SPOCK3: variants seen among roughly 807,000 people sequenced by gnomAD.
SPOCK3 encodes testican-3.
SPOCK3 carries 30 observed loss-of-function variants against 56.6 expected under a neutral mutation model. The ratio of observed to expected loss-of-function variants is 0.53; its 90% confidence interval spans 0.40 to 0.72. SPOCK3 has a LOEUF of 0.72. Among genes scored for constraint, SPOCK3 ranks in the 30% least tolerant of loss-of-function variants. The pLI, the probability that SPOCK3 is intolerant of heterozygous loss-of-function variation, is 0.00. For missense variants in SPOCK3, 527 were observed against 530.0 expected, an observed-to-expected ratio of 0.99 and a Z score of 0.06; for synonymous variants, 196 against 183.3, an observed-to-expected ratio of 1.07 and a Z score of -0.56.
rs899471630 is a variant in SPOCK3, at chr4:167,189,752, A to G, written c.189+44233T>C. Among the ~76,000 whole-genome samples, 16 of 145,696 alleles carry G rather than the reference A, an allele frequency of 1.1e-4. 2 individuals carry two copies. The highest frequency in any genetic ancestry group is 7.5e-5 in the Non-Finnish European group (5 of 66,872). On this transcript the variant is annotated intron_variant, in intron 2 of 10. Transcript: ENST00000357545. ...CCAGAACTTTTTCATCTCATAATTG[A>G]AAGTTTGTATCCTTGACCAACATCT...
chr4:167,052,225 GA>G (rs1356024833), intron 3 of SPOCK3, among the ~76,000 whole-genome samples: 4 of 152,112 alleles, frequency 2.6e-5, no homozygotes, highest in Non-Finnish European at 5.9e-5. Flanking sequence ...GTAAGAATTG[GA>G]TAATGAAATA....
At chr4:167,171,668 C>A (rs916870564) in intron 2 of SPOCK3, among the ~76,000 whole-genome samples, 12 of 152,014 alleles carry the variant, frequency 7.9e-5, no homozygotes, top group African/African-American at 2.9e-4. Flanking sequence ...CCAAAACAAA[C>A]CCTAGGGAAG....
chr4:167,100,747 A>G (rs971547945), intron 2 of SPOCK3, among the ~76,000 whole-genome samples: 1 of 152,172 alleles, frequency 6.6e-6, no homozygotes, highest in Non-Finnish European at 1.5e-5. Flanking sequence ...ATAAGTAGAT[A>G]ATCTCAGTTA....
At chr4:167,234,590 C>G (rs535441457), upstream of SPOCK3, 363 of 219,038 alleles carry the variant, frequency 1.7e-3, no homozygotes, top group Non-Finnish European at 2.2e-3. Context: ...GCGCTCCCCC[C>G]ATCTCCACCC....
intron 2 of SPOCK3, among the ~76,000 whole-genome samples, chr4:167,159,024 C>T (rs1426932189): frequency 6.6e-6 from 1 of 151,882 alleles, no homozygotes; most frequent in African/African-American, 2.4e-5. Context: ...GCTCAATCCT[C>T]AAACATATAC....
chr4:167,177,097 G>A (rs549503149), intron 2 of SPOCK3, among the ~76,000 whole-genome samples: 65 of 152,204 alleles, frequency 4.3e-4, no homozygotes, highest in African/African-American at 1.5e-3. Context: ...CAAGAAACTA[G>A]AAGGGCAATT....
chr4:166,931,498 C>G (rs1022863168), intron 4 of SPOCK3, among the ~76,000 whole-genome samples: 1 of 151,844 alleles, frequency 6.6e-6, no homozygotes, highest in South Asian at 2.1e-4. Flanking sequence ...TAATTTTATT[C>G]CCCTGGAATA....
intron 4 of SPOCK3, among the ~76,000 whole-genome samples, chr4:166,951,935 A>T (rs1742688952): frequency 1.3e-5 from 2 of 152,128 alleles, no homozygotes; most frequent in Admixed American, 6.5e-5. Flanking sequence ...ACATATCTCA[A>T]AATAATAAGA....
chr4:166,881,466 A>G (rs1402435301), intron 6 of SPOCK3, among the ~76,000 whole-genome samples: 2 of 151,980 alleles, frequency 1.3e-5, no homozygotes, highest in African/African-American at 2.4e-5. Flanking sequence ...TATTTTACAG[A>G]AAAAGAATTC....
intron 2 of SPOCK3, among the ~76,000 whole-genome samples, chr4:167,132,852 T>C (rs1762812374): frequency 6.6e-6 from 1 of 152,140 alleles, no homozygotes; most frequent in Admixed American, 6.5e-5. Context: ...TATACACACA[T>C]GCCATTGGAT....
intron 6 of SPOCK3, among the ~76,000 whole-genome samples, chr4:166,864,572 T>C (rs994368580): frequency 2.6e-5 from 4 of 151,786 alleles, no homozygotes; most frequent in South Asian, 2.1e-4. Context: ...AAGAATCAAA[T>C]AGACACAATA....
At chr4:166,788,806 A>T (rs1404008503) in intron 7 of SPOCK3, among the ~76,000 whole-genome samples, 2 of 151,958 alleles carry the variant, frequency 1.3e-5, no homozygotes, top group African/African-American at 4.8e-5. Context: ...TAATCATCCT[A>T]AAAATGTGTA....
intron 6 of SPOCK3, among the ~76,000 whole-genome samples, chr4:166,857,972 C>A (rs970454916): frequency 1.3e-5 from 2 of 152,132 alleles, no homozygotes; most frequent in Non-Finnish European, 2.9e-5. Flanking sequence ...GTAAAACTAA[C>A]CCTGGCCAAT....
chr4:167,002,839 T>C (rs1403317731), intron 3 of SPOCK3, among the ~76,000 whole-genome samples: 1 of 152,204 alleles, frequency 6.6e-6, no homozygotes, highest in East Asian at 1.9e-4. Flanking sequence ...ATGTTTAGCC[T>C]ATGTTGATGT....
At chr4:166,972,271 T>C (rs1230106808) in intron 4 of SPOCK3, among the ~76,000 whole-genome samples, 1 of 152,126 alleles carries the variant, frequency 6.6e-6, no homozygotes, top group East Asian at 1.9e-4. Flanking sequence ...AGTGTTTCTG[T>C]ACAAAACCAC....
chr4:166,794,331 C>A (rs1741675170), intron 6 of SPOCK3, among the ~76,000 whole-genome samples: 1 of 150,792 alleles, frequency 6.6e-6, no homozygotes, highest in South Asian at 2.1e-4. Context: ...GGGATAGGCA[C>A]AAGAAAACAA....
intron 5 of SPOCK3, 38 bp downstream of exon 5, chr4:166,912,582 T>A: frequency 6.3e-7 from 1 of 1,583,972 alleles, no homozygotes; most frequent in South Asian, 1.1e-5. Context: ...TAAGTATGCA[T>A]CCCTTATTTC....
At chr4:167,145,435 C>A (rs542600706) in intron 2 of SPOCK3, among the ~76,000 whole-genome samples, 1 of 151,932 alleles carries the variant, frequency 6.6e-6, no homozygotes. Context: ...TGAACAGGTT[C>A]GGCTGATCAG....
chr4:166,808,810 A>G (rs1743459233), intron 6 of SPOCK3, among the ~76,000 whole-genome samples: 1 of 152,080 alleles, frequency 6.6e-6, no homozygotes. Context: ...TAAAGTCCTC[A>G]TCTACAAACA....
Sources: gnomAD v4.1 joint callset for allele counts (sites outside exome capture counted in the v4.1 genomes callset) on GRCh38, gnomAD v4.1.1 for gene constraint, MANE v1.5 for transcripts, NCBI Gene and HGNC (gene_info 2026-07-23, HGNC 2026-07-21) for gene names.